The following DZIP3 variants were observed in gnomAD, a reference collection of about 807,000 sequenced individuals.
DZIP3 encodes E3 ubiquitin-protein ligase DZIP3.
Under a neutral mutation model 162.0 loss-of-function variants are expected in DZIP3, and 118 were observed. The observed-to-expected ratio is 0.73, with a 90% confidence interval of 0.63 to 0.85. The LOEUF (loss-of-function observed/expected upper bound fraction) is 0.85, where lower values mean the gene tolerates loss of function less well. Ranked by LOEUF, DZIP3 falls within the 40% of genes least tolerant of loss-of-function variation. The probability of loss-of-function intolerance (pLI) is 0.00; values close to 1 mark genes in which losing one functional copy is unlikely to be tolerated. For missense variants in DZIP3, 1,331 were observed against 1,407.0 expected (o/e 0.95, Z 0.86); for synonymous variants, 438 against 458.6 (o/e 0.96, Z 0.57).
intron 19 of DZIP3, among the ~76,000 whole-genome samples, chr3:108,660,177 C>A (rs1034651281): frequency 6.6e-6 from 1 of 152,138 alleles, no homozygotes; most frequent in African/African-American, 2.4e-5. Context: ...GCCTGCATTG[C>A]GAAGTCAATC....
intron 5 of DZIP3, among the ~76,000 whole-genome samples, chr3:108,617,426 ATAAT>A (rs1436462624): frequency 2.6e-5 from 4 of 152,250 alleles, no homozygotes; most frequent in South Asian, 2.1e-4. Flanking sequence ...TTTTTAAACC[ATAAT>A]TAATCAGCTT....
chr3:108,629,111 G>A lies in DZIP3; in HGVS notation c.631G>A (p.Asp211Asn), dbSNP rs1941714465. 6.2e-7 allele frequency: 1 copy of A among 1,603,550 alleles called. No individual in the cohort carries two copies. The highest frequency in any genetic ancestry group is 8.5e-7 in the Non-Finnish European group (1 of 1,176,568). Reference sequence around the variant, plus strand: ...TCATAAAAGCTTACAAGAAATTGGAGACAAAAATGACCATTGGTTTGACAT... The same window carrying A: ...TCATAAAAGCTTACAAGAAATTGGAAACAAAAATGACCATTGGTTTGACAT... Reference protein sequence around the residue: ...EFHKSLQEIGDKNDHWFDIDP... With the variant: ...EFHKSLQEIGNKNDHWFDIDP... The change falls in exon 8 of 33, where the codon GAC (aspartate) becomes AAC (asparagine). Residue 211 changes from aspartate (D) to asparagine (N), a missense_variant. This residue lies in a region of DZIP3 where 1,278 missense variants were observed against 1,317.1 expected (regional missense o/e 0.97). Coordinates refer to ENST00000361582, the MANE Select transcript of DZIP3 (RefSeq NM_014648.4).
At chr3:108,603,076 G>A (rs879439541) in intron 1 of DZIP3, 5 of 152,104 alleles carry the variant, frequency 3.3e-5, no homozygotes, top group Non-Finnish European at 7.4e-5. Flanking sequence ...ATCACCAGAG[G>A]ATTTTCCTCC....
At chr3:108,602,492 A>G (rs1473724413) in intron 1 of DZIP3, among the ~76,000 whole-genome samples, 1 of 152,202 alleles carries the variant, frequency 6.6e-6, no homozygotes, top group Non-Finnish European at 1.5e-5. Context: ...TTGCCCTCAG[A>G]TCAACCAACA....
chr3:108,637,661 T>TAGTATTAAGGC (rs1287347059), intron 12 of DZIP3, 113 bp downstream of exon 12: 2 of 719,104 alleles, frequency 2.8e-6, no homozygotes, highest in Non-Finnish European at 2.2e-6. Context: ...AATTTTAAGG[T>TAGTATTAAGGC]ATGTGAAAAA....
In DZIP3 at chr3:108,637,525, C is replaced by T. The variant is rs1942211033; in HGVS notation, c.1041C>T (p.Ile347=). ...AAGTTGTGAGAAAGGATGAATATAT[C>T]ACCATTGAAAATTTAGGAGCAAGGT... The part of the protein sequence containing the change: ...LFEVVRKDEY[I]TIENLGASYR... The change falls in exon 12 of 33, where the codon ATC becomes ATT. Residue 347 remains isoleucine, a synonymous_variant. Transcript: ENST00000361582. 1 of 1,611,284 alleles carries T rather than the reference C, an allele frequency of 6.2e-7. No homozygotes were observed.
intron 12 of DZIP3, 118 bp from the exon 13 acceptor site, chr3:108,642,320 C>G (rs547367406): frequency 1.8e-6 from 2 of 1,138,464 alleles, no homozygotes; most frequent in African/African-American, 3.2e-5. Context: ...TTTTCTCCTT[C>G]TTGAATTATT....
At chr3:108,610,064 T>A (rs1213431821) in intron 3 of DZIP3, among the ~76,000 whole-genome samples, 1 of 152,192 alleles carries the variant, frequency 6.6e-6, no homozygotes, top group Non-Finnish European at 1.5e-5. Context: ...TTTCAAACCT[T>A]TAGAAAGATT....
At chr3:108,643,696 C>A (rs1432846536) in intron 13 of DZIP3, among the ~76,000 whole-genome samples, 2 of 151,766 alleles carry the variant, frequency 1.3e-5, no homozygotes, top group African/African-American at 4.8e-5. Flanking sequence ...ACCCAAACCG[C>A]ATTTCCAATG....
chr3:108,645,751 C>G (rs1400150128), intron 14 of DZIP3, among the ~76,000 whole-genome samples: 1 of 152,126 alleles, frequency 6.6e-6, no homozygotes, highest in Non-Finnish European at 1.5e-5. Flanking sequence ...CAATTTCAGT[C>G]CTGGTATTTA....
intron 1 of DZIP3, among the ~76,000 whole-genome samples, chr3:108,591,839 T>C (rs895222840): frequency 4.6e-5 from 7 of 151,784 alleles, no homozygotes; most frequent in African/African-American, 1.7e-4. Context: ...CTACAAAAAA[T>C]GAAAAAATTA....
At chr3:108,677,935 G>A (rs1379259075) in intron 26 of DZIP3, among the ~76,000 whole-genome samples, 1 of 151,932 alleles carries the variant, frequency 6.6e-6, no homozygotes. Flanking sequence ...TAGATCAGAG[G>A]TCCCCAACCT....
intron 18 of DZIP3, among the ~76,000 whole-genome samples, chr3:108,652,602 GC>G (rs572768370): frequency 1.8e-3 from 275 of 151,814 alleles, no homozygotes; most frequent in African/African-American, 6.4e-3. Context: ...ATTTAGTGTA[GC>G]CTGAGTTTGT....
chr3:108,644,088 A>C, intron 13 of DZIP3, 76 bp from the exon 14 acceptor site: 1 of 1,488,208 alleles, frequency 6.7e-7, no homozygotes, highest in Non-Finnish European at 8.9e-7. Context: ...ACAGGAGCTT[A>C]GGATACAATG....
intron 19 of DZIP3, among the ~76,000 whole-genome samples, chr3:108,659,150 G>A (rs1169032144): frequency 6.6e-6 from 1 of 152,140 alleles, no homozygotes; most frequent in Non-Finnish European, 1.5e-5. Context: ...TATGAGGCCA[G>A]CATCATCCTG....
chr3:108,636,269 C>T (rs1457214640), intron 10 of DZIP3, among the ~76,000 whole-genome samples: 1 of 151,906 alleles, frequency 6.6e-6, no homozygotes, highest in Non-Finnish European at 1.5e-5. Flanking sequence ...TTTATTCTTT[C>T]CTTTTCCCTA....
chr3:108,658,910 C>T (rs1239613439), intron 19 of DZIP3, among the ~76,000 whole-genome samples: 1 of 152,004 alleles, frequency 6.6e-6, no homozygotes, highest in Non-Finnish European at 1.5e-5. Context: ...ATAAATTCCT[C>T]GACATATACA....
chr3:108,653,384 A>G (rs1216073073), intron 18 of DZIP3, among the ~76,000 whole-genome samples: 1 of 151,356 alleles, frequency 6.6e-6, no homozygotes, highest in African/African-American at 2.4e-5. Context: ...TCTTGTTGCC[A>G]TTCAAGGAGA....
intron 1 of DZIP3, among the ~76,000 whole-genome samples, chr3:108,592,158 G>GA (rs1449620711): frequency 6.6e-6 from 1 of 152,100 alleles, no homozygotes; most frequent in African/African-American, 2.4e-5. Flanking sequence ...TGATTTTGGG[G>GA]AGGATAAGAC....
Sources: allele counts gnomAD v4.1 joint callset (sites outside exome capture counted in the v4.1 genomes callset), GRCh38; gene constraint gnomAD v4.1.1; regional missense constraint gnomAD v4.1.1; transcripts MANE v1.5; gene names NCBI Gene and HGNC (gene_info 2026-07-23, HGNC 2026-07-21).